The following CHFR variants were observed in gnomAD, a reference collection of about 807,000 sequenced individuals.
CHFR encodes checkpoint with forkhead and ring finger domains, also known as E3 ubiquitin-protein ligase CHFR.
Under a neutral mutation model 87.6 loss-of-function variants are expected in CHFR, and 57 were observed. The observed-to-expected ratio is 0.65, with a 90% CI of 0.53 to 0.81. The LOEUF (loss-of-function observed/expected upper bound fraction) is 0.81, where lower values mean the gene tolerates loss of function less well. Among genes scored for constraint, CHFR ranks in the 30% least tolerant of loss-of-function variants. CHFR has a pLI of 0.00. For synonymous variants in CHFR, 381 were observed against 359.2 expected (o/e 1.06, Z -0.69); for missense variants, 797 against 865.8 (o/e 0.92, Z 1.00).
At chr12:132,874,568 G>A (rs1380592173) in intron 3 of CHFR, among the ~76,000 whole-genome samples, 3 of 150,004 alleles carry the variant, frequency 2.0e-5, no homozygotes, top group Non-Finnish European at 4.4e-5. Context: ...GGACTGCCCA[G>A]GACCAGCACC....
rs1009635955 is a variant in CHFR at position 132,835,191 on chromosome 12, G to A, written c.*6363C>T. ...ATCGGATACGGGTATCTGTGGTGGC[G>A]GGACGGGGACATGGCTCAGCCCACC... On this transcript the variant is annotated 3_prime_UTR_variant, in exon 18 of 18. Transcript: ENST00000450056. 1 of 152,184 alleles carries A rather than the reference G, an allele frequency of 6.6e-6. No homozygotes were observed. The highest frequency in any genetic ancestry group is 1.5e-5 in the Non-Finnish European group (1 of 68,038). The allele number at this position is 152,184 out of a possible 1,614,324, so 9.4% of individuals were successfully genotyped here.
chr12:132,871,083 G>C (rs1951476994), intron 4 of CHFR, among the ~76,000 whole-genome samples: 1 of 152,228 alleles, frequency 6.6e-6, no homozygotes, highest in African/African-American at 2.4e-5. Flanking sequence ...CGTGTGGCCA[G>C]GGGCTGGTTA....
At position 132,839,001 on chromosome 12, in the gene CHFR, C is replaced by G. The variant is rs747672649; in HGVS notation, c.*2553G>C. ...CTGCTCCAGGTAGAAATCCTCTTCA[C>G]AGTGGGCCAGGAGTTGGACTTCTCT... On this transcript the variant is annotated 3_prime_UTR_variant, in exon 18 of 18. Coordinates refer to ENST00000450056, the MANE Select transcript of CHFR (RefSeq NM_001161346.2). 2 of 152,328 alleles carry G rather than the reference C, an allele frequency of 1.3e-5. No homozygotes were observed. Among genetic ancestry groups the G allele is most frequent in the Non-Finnish European group, 2.9e-5 (2 of 68,160 alleles). The allele number at this position is 152,328 out of a possible 1,614,324, so 9.4% of individuals were successfully genotyped here.
chr12:132,857,981 C>T (rs899079378), intron 8 of CHFR, among the ~76,000 whole-genome samples: 2 of 152,206 alleles, frequency 1.3e-5, no homozygotes, highest in African/African-American at 2.4e-5. Flanking sequence ...GGGTCACACA[C>T]GACCCACACA....
Position 132,837,026 on chromosome 12 carries a change from C to A in CHFR, c.*4528G>T. The A allele has an allele frequency of 2.9e-6, 1 of 348,194 alleles. No homozygotes were observed. Among genetic ancestry groups the A allele is most frequent in the Non-Finnish European group, 5.6e-6 (1 of 177,604 alleles). The allele number at this position is 348,194 out of a possible 1,614,324, so 21.6% of individuals were successfully genotyped here. On this transcript the variant is annotated 3_prime_UTR_variant, in exon 18 of 18. Coordinates refer to ENST00000450056, the MANE Select transcript of CHFR (RefSeq NM_001161346.2). Reference sequence around the variant, plus strand: ...GGCTGGCGGGGTGGGGGCAGCCCTGCAGGAGCTGAATGAGGAGAGGCTGCA... The same window carrying A: ...GGCTGGCGGGGTGGGGGCAGCCCTGAAGGAGCTGAATGAGGAGAGGCTGCA...
intron 2 of CHFR, among the ~76,000 whole-genome samples, chr12:132,879,073 C>T (rs12816653): frequency 6.9e-6 from 1 of 145,816 alleles, no homozygotes; most frequent in Admixed American, 6.9e-5. Flanking sequence ...GGCACCATCT[C>T]GGCTCACCAC....
At chr12:132,857,934 T>C (rs971863494) in intron 8 of CHFR, among the ~76,000 whole-genome samples, 3 of 152,244 alleles carry the variant, frequency 2.0e-5, no homozygotes, top group Non-Finnish European at 4.4e-5. Context: ...GCATTTAAAA[T>C]GTGCAGAGTT....
At position 132,847,830 on chromosome 12, in the gene CHFR, G is replaced by A. The variant is rs1229510267; in HGVS notation, c.1647+255C>T. On this transcript the variant is annotated intron_variant, in intron 14 of 17. Transcript: ENST00000450056. The stretch of plus-strand genomic sequence containing the variant: ...GAGCTGCCGGGAACAAGAGCTGCGG[G>A]AAGCGGCTCCTACGAATTGGTGGCA... The A allele has an allele frequency of 2.6e-5, 35 of 1,335,214 alleles. 1 individual carries two copies. Among genetic ancestry groups the A allele is most frequent in the Non-Finnish European group, 2.1e-5 (22 of 1,037,578 alleles). 82.7% of individuals were successfully genotyped at this position (1,335,214 alleles called of 1,614,324 possible).
chr12:132,867,404 G>A (rs1241517735), intron 6 of CHFR: 6 of 152,214 alleles, frequency 3.9e-5, no homozygotes, highest in Non-Finnish European at 8.8e-5. Context: ...TGGGAGACAT[G>A]GCTCTTGCTG....
chr12:132,864,662 T>C (rs1160600437), intron 6 of CHFR, among the ~76,000 whole-genome samples: 1 of 152,118 alleles, frequency 6.6e-6, no homozygotes. Flanking sequence ...CTAATTTTTA[T>C]ATTTTTAGTA....
At chr12:132,876,448 T>A (rs2137043156) in intron 3 of CHFR, among the ~76,000 whole-genome samples, 1 of 152,348 alleles carries the variant, frequency 6.6e-6, no homozygotes, top group South Asian at 2.1e-4. Context: ...CTGGTAAGTA[T>A]AATGAAAATA....
intron 12 of CHFR, chr12:132,849,415 T>G (rs1950893353): frequency 6.6e-6 from 1 of 152,122 alleles, no homozygotes; most frequent in African/African-American, 2.4e-5. Flanking sequence ...CGTGATGCAC[T>G]GCACCCGGCC....
At chr12:132,848,382 G>A (rs2136933239) in intron 13 of CHFR, 1 of 825,202 alleles carries the variant, frequency 1.2e-6, no homozygotes. Flanking sequence ...CCTGGTCTTG[G>A]TATCGTAACA....
intron 14 of CHFR, chr12:132,847,538 G>C: frequency 2.8e-6 from 3 of 1,073,926 alleles, no homozygotes; most frequent in Non-Finnish European, 3.4e-6. Flanking sequence ...CCTTCTGTGG[G>C]CATCAAAGCA....
intron 6 of CHFR, among the ~76,000 whole-genome samples, chr12:132,864,900 A>G (rs142851103): frequency 6.6e-5 from 10 of 152,380 alleles, no homozygotes. Flanking sequence ...ACACTGTGCT[A>G]TGCACATTGG....
intron 2 of CHFR, among the ~76,000 whole-genome samples, chr12:132,885,136 G>A (rs565998705): frequency 2.0e-5 from 3 of 151,382 alleles, no homozygotes; most frequent in South Asian, 2.1e-4. Context: ...CTGGCCGGGC[G>A]CGATAGCTCA....
At chr12:132,860,851 CAAGCA>C (rs1951194987) in intron 7 of CHFR, among the ~76,000 whole-genome samples, 1 of 152,206 alleles carries the variant, frequency 6.6e-6, no homozygotes. Context: ...CTGCCGGGTT[CAAGCA>C]ATTCTCCTGC....
rs756361707 is a variant in CHFR at position 132,857,464 on chromosome 12, C to T, written c.1007G>A (p.Arg336Gln). The change falls in exon 9 of 18, where the codon CGG (arginine) becomes CAG (glutamine). Residue 336 changes from arginine to glutamine, a missense_variant. By Grantham distance (43) the Arg-to-Gln change is conservative. Transcript: ENST00000450056. Reference sequence around the variant, plus strand: ...GTTGAGGATGTGGTTTTTACAGATCCGCTCCACGGGACAGCGGCAGGTAGG... The same window carrying T: ...GTTGAGGATGTGGTTTTTACAGATCTGCTCCACGGGACAGCGGCAGGTAGG... Reference protein sequence around the residue: ...LCPTCRCPVERICKNHILNNL... With the variant: ...LCPTCRCPVEQICKNHILNNL... 8 of 1,614,072 alleles carry T rather than the reference C, an allele frequency of 5.0e-6. No individual in the cohort carries two copies. Among genetic ancestry groups the T allele is most frequent in the Non-Finnish European group, 5.1e-6 (6 of 1,180,040 alleles).
intron 7 of CHFR, 133 bp from the exon 8 acceptor site, chr12:132,859,360 T>A (rs546708406): frequency 1.1e-6 from 1 of 884,618 alleles, no homozygotes; most frequent in East Asian, 2.7e-5. Flanking sequence ...ATGCAGTCTT[T>A]TTTTTTTCGA....
Sources: gnomAD v4.1 joint callset for allele counts (sites outside exome capture counted in the v4.1 genomes callset) on GRCh38, gnomAD v4.1.1 for gene constraint, MANE v1.5 for transcripts, NCBI Gene and HGNC (gene_info 2026-07-23, HGNC 2026-07-21) for gene names.